The following HERC3 variants were observed in gnomAD, a reference collection of about 807,000 sequenced individuals.
HERC3 encodes HECT and RLD domain containing E3 ubiquitin protein ligase 3.
HERC3 carries 58 observed loss-of-function variants against 129.9 expected under a neutral mutation model. The observed-to-expected ratio is 0.45, with a 90% CI of 0.36 to 0.56. The LOEUF is 0.56. HERC3 is among the 20% of genes least tolerant of loss of function. HERC3 has a pLI of 0.00. For missense variants in HERC3, 835 were observed against 1,244.2 expected (o/e 0.67, Z 4.95); for synonymous variants, 430 against 451.0 (o/e 0.95, Z 0.59).
At chr4:88,525,925 GC>G in the HERC3 span, among the ~76,000 whole-genome samples, 1 of 152,164 alleles carries the variant, frequency 6.6e-6, no homozygotes, top group African/African-American at 2.4e-5. Context: ...TGTCACATAG[GC>G]CTGTGCACAA....
intron 3 of HERC3, among the ~76,000 whole-genome samples, chr4:88,627,963 T>C (rs541529469): frequency 6.7e-6 from 1 of 149,478 alleles, no homozygotes; most frequent in African/African-American, 2.5e-5. Context: ...GCCCAGAATA[T>C]GGTCTGTCTT....
rs200435724 is a variant in HERC3, at chr4:88,691,654, A to AT, written c.2657+4364dup. ...GACCACCAGAAAAAGACATGAATGA[A>AT]TTTTTTTTTCTTTTCATTTTATGCT... On this transcript the variant is annotated intron_variant, in intron 23 of 25. Transcript: ENST00000402738. 1.1e-4 allele frequency among the ~76,000 whole-genome samples: 17 copies of AT among 151,898 alleles called. No homozygotes were observed. The East Asian group carries it at 1.4e-3, about 12-fold the overall frequency.
At chr4:88,680,459 A>G (rs189530335) in intron 20 of HERC3, among the ~76,000 whole-genome samples, 1 of 152,364 alleles carries the variant, frequency 6.6e-6, no homozygotes, top group East Asian at 1.9e-4. Context: ...CATTTCTAGT[A>G]GGTAAGATCC....
intron 3 of HERC3, among the ~76,000 whole-genome samples, chr4:88,618,505 A>G (rs892238990): frequency 2.0e-5 from 3 of 152,236 alleles, no homozygotes; most frequent in African/African-American, 7.2e-5. Context: ...TCTTTCATAT[A>G]GAGTGGAACT....
At chr4:88,655,357 T>C (rs1032016903) in intron 8 of HERC3, 53 bp downstream of exon 8, 12 of 1,601,472 alleles carry the variant, frequency 7.5e-6, no homozygotes, top group African/African-American at 1.3e-5. Flanking sequence ...AAATTGGTCT[T>C]ATCTTTGTAG....
intron 1 of HERC3, among the ~76,000 whole-genome samples, chr4:88,594,688 A>G (rs1478904697): frequency 6.6e-6 from 1 of 152,190 alleles, no homozygotes; most frequent in African/African-American, 2.4e-5. Context: ...AAAGTGCTTG[A>G]CAAAAATATC....
At chr4:88,629,255 A>G (rs1726474904) in intron 3 of HERC3, among the ~76,000 whole-genome samples, 1 of 152,274 alleles carries the variant, frequency 6.6e-6, no homozygotes, top group African/African-American at 2.4e-5. Flanking sequence ...AACTAAAATA[A>G]GCAAATAAAT....
At chr4:88,558,701 C>T in the HERC3 span, among the ~76,000 whole-genome samples, 6 of 151,932 alleles carry the variant, frequency 3.9e-5, no homozygotes, top group East Asian at 1.9e-4. Context: ...CGGTGGCTCA[C>T]GCCTGTAATC....
chr4:88,686,683 G>A, intron 21 of HERC3, 53 bp from the exon 22 acceptor site: 2 of 1,135,156 alleles, frequency 1.8e-6, no homozygotes, highest in Non-Finnish European at 2.7e-6. Flanking sequence ...TAGAAACACT[G>A]TTGCAGCAGT....
At chr4:88,565,530 CTGATA>C in the HERC3 span, among the ~76,000 whole-genome samples, 1 of 152,044 alleles carries the variant, frequency 6.6e-6, no homozygotes. Flanking sequence ...TCTATTTTGT[CTGATA>C]TAAGTATAGC....
At chr4:88,664,095 A>C in intron 11 of HERC3, 58 bp from the exon 12 acceptor site, 1 of 1,455,004 alleles carries the variant, frequency 6.9e-7, no homozygotes, top group Non-Finnish European at 9.5e-7. Flanking sequence ...TTGATGCTTA[A>C]ATAACCATTT....
chr4:88,706,335 G>A (rs924468964), intron 25 of HERC3, among the ~76,000 whole-genome samples: 5 of 152,038 alleles, frequency 3.3e-5, no homozygotes, highest in African/African-American at 9.7e-5. Context: ...TCAGCTCTTC[G>A]GGTTTAAGAA....
the HERC3 span, among the ~76,000 whole-genome samples, chr4:88,557,974 G>T: frequency 1.3e-5 from 2 of 150,964 alleles, no homozygotes; most frequent in Admixed American, 1.3e-4. Context: ...AGGAGGCCGA[G>T]GCAGGAGCAT....
Position 88,606,161 on chromosome 4 carries a change from C to G in HERC3, c.226+112C>G, listed in dbSNP as rs566022585. On this transcript the variant is annotated intron_variant, in intron 3 of 25. Coordinates refer to ENST00000402738, the MANE Select transcript of HERC3 (RefSeq NM_014606.3). ...ACCAAGTGTTCGGTTTTCAGGGAGG[C>G]TCTTTTGAACGGTGCAGGGATTCCT... 308 of 774,330 alleles carry G rather than the reference C, an allele frequency of 4.0e-4. 4 individuals carry two copies. In the South Asian group the frequency reaches 5.3e-3, roughly 13 times the overall value. 48.0% of individuals were successfully genotyped at this position (774,330 alleles called of 1,614,324 possible).
At chr4:88,549,193 C>T in the HERC3 span, among the ~76,000 whole-genome samples, 5 of 152,108 alleles carry the variant, frequency 3.3e-5, no homozygotes, top group South Asian at 1.0e-3. Flanking sequence ...AAAACTTATT[C>T]CTTTGCATGT....
chr4:88,652,008 T>C lies in HERC3; in HGVS notation c.387-4T>C, dbSNP rs1360700704. ...TCTGAAAAAGAAAGCCTTTTCTGTT[T>C]TAGGTTAATACAAAAGCTGAACCAG... On this transcript the variant is annotated splice_polypyrimidine_tract_variant and splice_region_variant and intron_variant, in intron 4 of 25. Transcript: ENST00000402738. The C allele has an allele frequency of 7.5e-6, 12 of 1,606,364 alleles. No individual in the cohort carries two copies. The highest frequency in any genetic ancestry group is 1.3e-5 in the African/African-American group (1 of 74,888).
chr4:88,686,475 A>G (rs1733474686), intron 21 of HERC3, among the ~76,000 whole-genome samples: 2 of 152,348 alleles, frequency 1.3e-5, no homozygotes, highest in South Asian at 2.1e-4. Flanking sequence ...CAGATTAAAA[A>G]TCCATCTGAT....
At chr4:88,675,766 A>G (rs1578293159) in intron 16 of HERC3, among the ~76,000 whole-genome samples, 1 of 151,894 alleles carries the variant, frequency 6.6e-6, no homozygotes, top group East Asian at 1.9e-4. Context: ...AATTCTTTCC[A>G]AATACTTGGT....
chr4:88,599,678 A>G (rs1214167822), intron 2 of HERC3, among the ~76,000 whole-genome samples: 5 of 152,156 alleles, frequency 3.3e-5, no homozygotes, highest in African/African-American at 4.8e-5. Flanking sequence ...TAAGACTGAG[A>G]TGCTTTGGTT....
Sources: gnomAD v4.1 joint callset for allele counts (sites outside exome capture counted in the v4.1 genomes callset) on GRCh38, gnomAD v4.1.1 for gene constraint, MANE v1.5 for transcripts, NCBI Gene and HGNC (gene_info 2026-07-23, HGNC 2026-07-21) for gene names.